Variants in ATG10 observed in about 807,000 individuals in gnomAD.
The protein encoded by ATG10 is ubiquitin-like-conjugating enzyme ATG10.
In ATG10, 30 loss-of-function variants were observed where a neutral mutation model predicts 32.1. The observed-to-expected ratio is 0.94, with a 90% CI of 0.70 to 1.27. The LOEUF (loss-of-function observed/expected upper bound fraction) is 1.27. Among genes scored for constraint, ATG10 ranks in the 50% most tolerant of loss-of-function variants. ATG10 has a pLI of 0.00. For synonymous variants in ATG10, 87 were observed against 91.5 expected (o/e 0.95, Z 0.28); for missense variants, 233 against 262.3 (o/e 0.89, Z 0.77).
chr5:82,233,968 G>A (rs1174311309), intron 5 of ATG10, among the ~76,000 whole-genome samples: 1 of 152,184 alleles, frequency 6.6e-6, no homozygotes, highest in South Asian at 2.1e-4. Flanking sequence ...TTTTAACAAA[G>A]GGTGATACAT....
chr5:82,122,515 ATTAAAC>A (rs1233431252), intron 3 of ATG10, among the ~76,000 whole-genome samples: 1 of 152,212 alleles, frequency 6.6e-6, no homozygotes, highest in Non-Finnish European at 1.5e-5. Flanking sequence ...GTCGAATCTA[ATTAAAC>A]TTAAGAGCTT....
At chr5:82,045,036 CT>C (rs1487331640) in intron 2 of ATG10, among the ~76,000 whole-genome samples, 2 of 152,182 alleles carry the variant, frequency 1.3e-5, no homozygotes, top group Non-Finnish European at 2.9e-5. Flanking sequence ...TATCCTATCC[CT>C]GTAGTGTGGC....
At chr5:82,048,379 C>A (rs59296425) in intron 2 of ATG10, among the ~76,000 whole-genome samples, 1,948 of 149,932 alleles carry the variant, frequency 0.013, 50 homozygotes, top group African/African-American at 0.046. Flanking sequence ...TTGTTTGTAT[C>A]CTCTTTTATT....
chr5:82,120,627 A>T (rs890621753), intron 3 of ATG10, among the ~76,000 whole-genome samples: 6 of 151,960 alleles, frequency 3.9e-5, no homozygotes, highest in Admixed American at 3.3e-4. Context: ...TTAAGAGGAG[A>T]TAAAAGAGAA....
chr5:82,185,722 G>A (rs1384593518), intron 5 of ATG10, among the ~76,000 whole-genome samples: 2 of 152,102 alleles, frequency 1.3e-5, no homozygotes, highest in East Asian at 3.9e-4. Flanking sequence ...ACTGGTTAAG[G>A]ATTCTTAAAT....
chr5:82,027,075 AAAATAAATAAATAAATAAAT>A (rs10601125), intron 2 of ATG10, among the ~76,000 whole-genome samples: 1 of 144,720 alleles, frequency 6.9e-6, no homozygotes, highest in Admixed American at 7.0e-5. Flanking sequence ...ATGAATAAAT[AAAATAAATAAATAAATAAAT>A]AAATAAATAA....
rs577588523 is a variant in ATG10, at chr5:82,041,368, A to G, written c.109-17127A>G. The stretch of plus-strand genomic sequence containing the variant: ...AAAACATAATAAGCATTCAATAAGT[A>G]TTTTTGGATAAATGAATGGGTTTAG... On this transcript the variant is annotated intron_variant, in intron 2 of 7. Transcript: ENST00000282185. 6.4e-4 allele frequency among the ~76,000 whole-genome samples: 97 copies of G among 152,324 alleles called. No individual in the cohort carries two copies. The Middle Eastern group carries it at 0.017, about 27-fold the overall frequency.
Position 82,164,354 on chromosome 5 carries a change from T to A in ATG10, c.217-45T>A, listed in dbSNP as rs375480160. On this transcript the variant is annotated intron_variant, in intron 3 of 7. Coordinates refer to ENST00000282185, the MANE Select transcript of ATG10 (RefSeq NM_031482.5). ...CTTTTCCTCTCCATGTTAGTACTTTTCTTATTAAGAAACCCGTTTTCGTTT... is the reference window on the plus strand; with the variant it reads ...CTTTTCCTCTCCATGTTAGTACTTTACTTATTAAGAAACCCGTTTTCGTTT... 5.4e-5 allele frequency: 86 copies of A among 1,586,234 alleles called. No homozygotes were observed. The African/African-American group carries it at 1.1e-3, about 20-fold the overall frequency.
intron 5 of ATG10, among the ~76,000 whole-genome samples, chr5:82,203,487 G>GT (rs1166172020): frequency 2.6e-5 from 4 of 152,008 alleles, no homozygotes; most frequent in African/African-American, 9.7e-5. Flanking sequence ...TTTAAATTTT[G>GT]TTTTTTTAGT....
intron 3 of ATG10, among the ~76,000 whole-genome samples, chr5:82,138,860 C>T (rs1165310896): frequency 1.3e-5 from 1 of 74,396 alleles, no homozygotes; most frequent in African/African-American, 5.6e-5. Flanking sequence ...TCCCCCTCCC[C>T]CTCCCCCTCC....
chr5:81,980,255 G>A (rs528579296), intron 1 of ATG10, among the ~76,000 whole-genome samples: 1 of 152,060 alleles, frequency 6.6e-6, no homozygotes, highest in South Asian at 2.1e-4. Context: ...ATAATTCCTC[G>A]GTTTGATTTC....
chr5:82,018,867 C>T (rs1489865903), intron 2 of ATG10, among the ~76,000 whole-genome samples: 1 of 152,176 alleles, frequency 6.6e-6, no homozygotes, highest in African/African-American at 2.4e-5. Context: ...TCCTACTCTG[C>T]TTTTTTTCAT....
At chr5:82,200,722 C>T (rs1417835167) in intron 5 of ATG10, among the ~76,000 whole-genome samples, 1 of 150,936 alleles carries the variant, frequency 6.6e-6, no homozygotes, top group Non-Finnish European at 1.5e-5. Flanking sequence ...CAGTTCTTTA[C>T]GTATTCCAGA....
chr5:82,242,000 T>C (rs930339630), intron 5 of ATG10, among the ~76,000 whole-genome samples: 6 of 152,024 alleles, frequency 3.9e-5, no homozygotes, highest in Non-Finnish European at 8.8e-5. Flanking sequence ...TTTGTAGTCC[T>C]ACTAAAAGGT....
chr5:82,183,039 C>CT (rs1744295860), intron 5 of ATG10, among the ~76,000 whole-genome samples: 1 of 152,010 alleles, frequency 6.6e-6, no homozygotes, highest in Non-Finnish European at 1.5e-5. Flanking sequence ...ATCACTGCAC[C>CT]TGACCTCTTT....
intron 2 of ATG10, among the ~76,000 whole-genome samples, chr5:82,031,723 A>G (rs961943485): frequency 1.4e-4 from 22 of 152,228 alleles, no homozygotes; most frequent in Non-Finnish European, 2.6e-4. Context: ...AGAGGTGGTA[A>G]AAGAAGGGCT....
intron 3 of ATG10, among the ~76,000 whole-genome samples, chr5:82,062,336 A>G (rs1238056121): frequency 1.3e-5 from 2 of 152,002 alleles, no homozygotes; most frequent in African/African-American, 4.8e-5. Context: ...ATATTTGGCA[A>G]CTCATAGTAA....
At chr5:82,170,422 G>T (rs994386436) in intron 4 of ATG10, among the ~76,000 whole-genome samples, 4 of 152,130 alleles carry the variant, frequency 2.6e-5, no homozygotes, top group Non-Finnish European at 5.9e-5. Flanking sequence ...AGCAGTATTC[G>T]AGTCTATATG....
At chr5:81,990,297 C>T (rs1330584169) in intron 2 of ATG10, among the ~76,000 whole-genome samples, 1 of 151,956 alleles carries the variant, frequency 6.6e-6, no homozygotes, top group Non-Finnish European at 1.5e-5. Flanking sequence ...GTGATTATTC[C>T]TTGGGGACTT....
Sources: gnomAD v4.1 joint callset for allele counts (sites outside exome capture counted in the v4.1 genomes callset) on GRCh38, gnomAD v4.1.1 for gene constraint, MANE v1.5 for transcripts, NCBI Gene and HGNC (gene_info 2026-07-23, HGNC 2026-07-21) for gene names.